CDH18: variants seen among roughly 807,000 people sequenced by gnomAD.
CDH18 encodes cadherin-18.
Under a neutral mutation model 67.9 loss-of-function variants are expected in CDH18, and 31 were observed. The ratio of observed to expected loss-of-function variants is 0.46; its 90% CI spans 0.34 to 0.62. The LOEUF (loss-of-function observed/expected upper bound fraction) is 0.62, where lower values mean the gene tolerates loss of function less well. Among genes scored for constraint, CDH18 ranks in the 20% least tolerant of loss-of-function variants. The probability of loss-of-function intolerance (pLI) is 0.01; values close to 1 mark genes in which losing one functional copy is unlikely to be tolerated. For synonymous variants in CDH18, 362 were observed against 347.2 expected (o/e 1.04, Z -0.48); for missense variants, 890 against 975.5 (o/e 0.91, Z 1.17).
chr5:20,263,272 AC>A (rs750463701), intron 1 of CDH18, among the ~76,000 whole-genome samples: 31 of 152,146 alleles, frequency 2.0e-4, no homozygotes, highest in African/African-American at 6.3e-4. Flanking sequence ...GAACATTTTT[AC>A]CTAGTTTTTA....
intron 1 of CDH18, among the ~76,000 whole-genome samples, chr5:20,490,357 G>C (rs1177365356): frequency 1.3e-5 from 2 of 152,060 alleles, no homozygotes; most frequent in Non-Finnish European, 1.5e-5. Context: ...CAACTTTCTA[G>C]ATAATAGAAT....
chr5:19,556,445 G>A (rs1285237509), intron 8 of CDH18, among the ~76,000 whole-genome samples: 1 of 152,034 alleles, frequency 6.6e-6, no homozygotes, highest in Non-Finnish European at 1.5e-5. Flanking sequence ...ACAACTTCTG[G>A]AAATCAATGA....
chr5:20,328,866 A>G (rs1157160639), intron 1 of CDH18, among the ~76,000 whole-genome samples: 1 of 152,156 alleles, frequency 6.6e-6, no homozygotes, highest in Non-Finnish European at 1.5e-5. Context: ...CTGTAATCTC[A>G]GGTAATTGGG....
At chr5:20,277,919 A>G (rs1329804245) in intron 1 of CDH18, among the ~76,000 whole-genome samples, 1 of 152,196 alleles carries the variant, frequency 6.6e-6, no homozygotes, top group Admixed American at 6.6e-5. Flanking sequence ...ATCATGCAGA[A>G]GAAAGAATAA....
intron 1 of CDH18, among the ~76,000 whole-genome samples, chr5:20,408,023 A>T (rs1037986018): frequency 2.0e-5 from 3 of 152,084 alleles, no homozygotes; most frequent in Admixed American, 2.0e-4. Context: ...AAGAAAAAAG[A>T]GACTTATAAC....
At chr5:19,715,953 G>T (rs115538851) in intron 5 of CDH18, among the ~76,000 whole-genome samples, 1,627 of 151,856 alleles carry the variant, frequency 0.011, 25 homozygotes, top group African/African-American at 0.038. Context: ...GAGTAGCTGG[G>T]ATTACAGGCA....
intron 2 of CDH18, among the ~76,000 whole-genome samples, chr5:20,213,679 G>A (rs1464721859): frequency 1.3e-5 from 2 of 152,096 alleles, no homozygotes; most frequent in Non-Finnish European, 2.9e-5. Context: ...TGTGCAAAGA[G>A]GTGTTCATAA....
chr5:20,217,869 T>C (rs1456536006), intron 2 of CDH18, among the ~76,000 whole-genome samples: 5 of 151,820 alleles, frequency 3.3e-5, no homozygotes. Flanking sequence ...TTGCTCTACT[T>C]ATAACAGACA....
At chr5:20,296,477 G>A (rs1033250420) in intron 1 of CDH18, among the ~76,000 whole-genome samples, 4 of 151,604 alleles carry the variant, frequency 2.6e-5, no homozygotes, top group Admixed American at 6.6e-5. Flanking sequence ...TAGCCAGGGT[G>A]GTCTCGATCT....
At chr5:19,536,347 A>G (rs1274334664) in intron 9 of CDH18, among the ~76,000 whole-genome samples, 1 of 152,226 alleles carries the variant, frequency 6.6e-6, no homozygotes, top group Non-Finnish European at 1.5e-5. Flanking sequence ...TAACTTTGGA[A>G]AGCAGAGCAA....
intron 1 of CDH18, among the ~76,000 whole-genome samples, chr5:20,379,772 G>A (rs956944110): frequency 6.6e-6 from 1 of 150,972 alleles, no homozygotes; most frequent in Non-Finnish European, 1.5e-5. Context: ...ACTGTGGATA[G>A]CATTTATTAA....
intron 2 of CDH18, among the ~76,000 whole-genome samples, chr5:20,088,454 G>C (rs1044660265): frequency 3.3e-5 from 5 of 152,072 alleles, no homozygotes; most frequent in Non-Finnish European, 7.4e-5. Flanking sequence ...CTCATTTTTG[G>C]AGAAAACTAA....
At chr5:20,479,384 A>T (rs1752641573) in intron 1 of CDH18, among the ~76,000 whole-genome samples, 1 of 152,174 alleles carries the variant, frequency 6.6e-6, no homozygotes, top group Admixed American at 6.6e-5. Flanking sequence ...GCACAGAAAC[A>T]ATTCAGAATA....
chr5:19,725,003 T>C (rs556027524), intron 4 of CDH18, among the ~76,000 whole-genome samples: 39 of 151,234 alleles, frequency 2.6e-4, no homozygotes, highest in Non-Finnish European at 5.3e-4. Flanking sequence ...CTGGGCTCAC[T>C]GCAAGCTCCG....
At chr5:19,500,074 C>CT (rs201970719) in intron 11 of CDH18, among the ~76,000 whole-genome samples, 62 of 143,596 alleles carry the variant, frequency 4.3e-4, no homozygotes, top group African/African-American at 1.0e-3. Flanking sequence ...TTTCTTCTAG[C>CT]TTTTTTTTTT....
intron 5 of CDH18, among the ~76,000 whole-genome samples, chr5:19,685,588 CAT>C (rs1760975874): frequency 6.6e-6 from 1 of 152,134 alleles, no homozygotes; most frequent in Admixed American, 6.6e-5. Context: ...CTTTGGGTGG[CAT>C]CCTCAGGATG....
At chr5:19,838,439 G>GA (rs1781912934) in intron 3 of CDH18, among the ~76,000 whole-genome samples, 1 of 152,010 alleles carries the variant, frequency 6.6e-6, no homozygotes, top group Non-Finnish European at 1.5e-5. Flanking sequence ...AGGTAATAAA[G>GA]AAAAAATTAC....
intron 2 of CDH18, among the ~76,000 whole-genome samples, chr5:19,971,009 T>A (rs1797968854): frequency 6.6e-6 from 1 of 151,906 alleles, no homozygotes; most frequent in Non-Finnish European, 1.5e-5. Flanking sequence ...CTCTAGCTGC[T>A]GGAGCATAAG....
chr5:19,507,304 A>G (rs1458719218), intron 10 of CDH18, among the ~76,000 whole-genome samples: 2 of 152,126 alleles, frequency 1.3e-5, no homozygotes, highest in African/African-American at 4.8e-5. Context: ...TACACTGTTG[A>G]TGGGAATGTA....
Sources: allele counts gnomAD v4.1 joint callset (sites outside exome capture counted in the v4.1 genomes callset), GRCh38; gene constraint gnomAD v4.1.1; transcripts MANE v1.5; gene names NCBI Gene and HGNC (gene_info 2026-07-23, HGNC 2026-07-21).